The following MLPH variants were observed in gnomAD, a reference collection of about 807,000 sequenced individuals.
MLPH encodes exophilin-3.
In MLPH, 51 loss-of-function variants were observed where a neutral mutation model predicts 72.1. That is an observed-to-expected ratio of 0.71 (90% CI 0.56 to 0.89). MLPH has a LOEUF of 0.89. MLPH is among the 40% of genes least tolerant of loss of function. MLPH has a pLI of 0.00. For synonymous variants in MLPH, 301 were observed against 310.1 expected (o/e 0.97, Z 0.31); for missense variants, 743 against 759.9 (o/e 0.98, Z 0.26).
intron 2 of MLPH, among the ~76,000 whole-genome samples, chr2:237,500,719 G>T (rs2079627814): frequency 6.6e-6 from 1 of 151,950 alleles, no homozygotes; most frequent in Non-Finnish European, 1.5e-5. Flanking sequence ...TTGGATGCAG[G>T]CTGTTGCCAA....
rs550157394 is a variant in MLPH at position 237,508,194 on chromosome 2, C to A, written c.111-2380C>A. Among the ~76,000 whole-genome samples, 5 of 152,310 alleles carry A rather than the reference C, an allele frequency of 3.3e-5. 1 individual carries two copies. Among genetic ancestry groups the A allele is most frequent in the Admixed American group, 2.0e-4 (3 of 15,296 alleles). On this transcript the variant is annotated intron_variant, in intron 2 of 15. Transcript: ENST00000264605. ...TGACACAATCTCGGCTCACTGCAAC[C>A]TCTGCTTCCCTGGTTCAAGCGACTC...
chr2:237,525,963 C>T (rs957125121), intron 7 of MLPH, among the ~76,000 whole-genome samples, 158 bp downstream of exon 7: 26 of 152,250 alleles, frequency 1.7e-4, no homozygotes, highest in Non-Finnish European at 3.1e-4. Flanking sequence ...CCAGCAAACA[C>T]CGTGGACACC....
At chr2:237,496,668 A>G (rs2079542019) in intron 2 of MLPH, among the ~76,000 whole-genome samples, 1 of 152,206 alleles carries the variant, frequency 6.6e-6, no homozygotes, top group East Asian at 1.9e-4. Flanking sequence ...TTTGCTCAGA[A>G]TGAGCCAGTG....
At position 237,492,355 on chromosome 2, in the gene MLPH, C is replaced by G. The variant is rs541007051; in HGVS notation, c.-24-1048C>G. Among the ~76,000 whole-genome samples the G allele has an allele frequency of 3.9e-5, 6 of 151,922 alleles. No homozygotes were observed. In the East Asian group the frequency reaches 9.7e-4, roughly 25 times the overall value. ...TGCTCTGCTGAGCAGCTGAGTCACA[C>G]CAGATTCTCAGACAGGCACCATGGC... On this transcript the variant is annotated intron_variant, in intron 1 of 15. Transcript: ENST00000264605.
Position 237,553,572 on chromosome 2 carries a change from G to A in MLPH, c.1783G>A (p.Val595Met). 1 of 1,614,182 alleles carries A rather than the reference G, an allele frequency of 6.2e-7. No homozygotes were observed. The highest frequency in any genetic ancestry group is 1.1e-5 in the South Asian group (1 of 91,082). Residue 595 changes from valine to methionine, a missense_variant, in exon 16 of 16, where the codon GTG becomes ATG. Coordinates refer to ENST00000264605, the MANE Select transcript of MLPH (RefSeq NM_024101.7). ...GTGTGTTTGTACTTTACAGAAACCT[G>A]TGGTGGCCCACCAGTCCTAACGGGA... ...GMASHTFAKP[V>M]VAHQS
chr2:237,538,978 A>C (rs2080602479), intron 9 of MLPH, among the ~76,000 whole-genome samples: 1 of 152,222 alleles, frequency 6.6e-6, no homozygotes. Context: ...CAAGTGTTGC[A>C]GCCCCTCCTA....
chr2:237,549,247 A>G lies in MLPH; in HGVS notation c.1644A>G (p.Arg548=). The G allele has an allele frequency of 6.2e-7, 1 of 1,614,188 alleles. No individual in the cohort carries two copies. Among genetic ancestry groups the G allele is most frequent in the Non-Finnish European group, 8.5e-7 (1 of 1,180,010 alleles). ...AKAMAVPYLL[R]RKFSNSLKSQ... ...CAATGGCTGTGCCCTATCTTCTGAGAAGAAAGTTCAGTAATTCCCTGAAAA... is the reference window on the plus strand; with the variant it reads ...CAATGGCTGTGCCCTATCTTCTGAGGAGAAAGTTCAGTAATTCCCTGAAAA... Residue 548 remains arginine (R), a synonymous_variant, in exon 14 of 16, where the codon AGA becomes AGG. Coordinates refer to ENST00000264605, the MANE Select transcript of MLPH (RefSeq NM_024101.7).
chr2:237,531,957 C>G (rs1310712790), intron 8 of MLPH, among the ~76,000 whole-genome samples: 3 of 152,188 alleles, frequency 2.0e-5, no homozygotes, highest in African/African-American at 7.2e-5. Flanking sequence ...TCTCAAGACT[C>G]AGAATTTAAA....
At chr2:237,553,536 T>C (rs1454849731) in intron 15 of MLPH, 30 bp from the exon 16 acceptor site, 1 of 1,610,862 alleles carries the variant, frequency 6.2e-7, no homozygotes, top group Non-Finnish European at 8.5e-7. Flanking sequence ...TGTGTGTGCT[T>C]ATATGTGCAT....
chr2:237,503,701 G>A (rs533410507), intron 2 of MLPH, among the ~76,000 whole-genome samples: 10 of 152,236 alleles, frequency 6.6e-5, no homozygotes, highest in Admixed American at 3.3e-4. Context: ...TGTTTTCTCA[G>A]GCATGGCATG....
rs2081096941 is a variant in MLPH at position 237,554,716 on chromosome 2, G to C, written c.*1124G>C. 1 of 152,172 alleles carries C rather than the reference G, an allele frequency of 6.6e-6. No homozygotes were observed. Among genetic ancestry groups the C allele is most frequent in the African/African-American group, 2.4e-5 (1 of 41,432 alleles). The allele number at this position is 152,172 out of a possible 1,614,324, so 9.4% of individuals were successfully genotyped here. On this transcript the variant is annotated 3_prime_UTR_variant, in exon 16 of 16. Coordinates refer to ENST00000264605, the MANE Select transcript of MLPH (RefSeq NM_024101.7). ...ATCAAACAGTAGAGACAAGAGTCAA[G>C]CCTTGTGTCTTCAAGCATTGACCAA... is the stretch of plus-strand genomic sequence containing the variant.
In MLPH at chr2:237,534,752, G is replaced by T; in HGVS notation, c.1104+105G>T. On this transcript the variant is annotated intron_variant, in intron 9 of 15. Transcript: ENST00000264605. ...TGGGAGAAGAGTTTCTTGAGATTTT[G>T]CTGTTTGTAAGGTTAAGTTCTGTGT... The T allele has an allele frequency of 1.3e-5, 13 of 1,007,270 alleles. 1 individual carries two copies. In the South Asian group the frequency reaches 1.7e-4, roughly 13 times the overall value. 62.4% of individuals were successfully genotyped at this position (1,007,270 alleles called of 1,614,324 possible).
At chr2:237,489,943 C>T (rs1475952381) in intron 1 of MLPH, among the ~76,000 whole-genome samples, 2 of 152,194 alleles carry the variant, frequency 1.3e-5, no homozygotes, top group Non-Finnish European at 2.9e-5. Flanking sequence ...CCTATTAATC[C>T]CTGTGTCCCG....
Position 237,542,558 on chromosome 2 carries a change from C to G in MLPH, c.1447-9C>G. 6.3e-7 allele frequency: 1 copy of G among 1,590,306 alleles called. No homozygotes were observed. The highest frequency in any genetic ancestry group is 1.1e-5 in the South Asian group (1 of 87,610). ...TCTGACGGGCCTTCTGTCTGCTGTC[C>G]TCTCGCAGGTTTCAGACATTGAATC... On this transcript the variant is annotated splice_polypyrimidine_tract_variant and intron_variant, in intron 11 of 15. Transcript: ENST00000264605.
At chr2:237,548,489 G>GTTAGCCAC (rs1308986029) in intron 13 of MLPH, among the ~76,000 whole-genome samples, 1 of 152,240 alleles carries the variant, frequency 6.6e-6, no homozygotes, top group African/African-American at 2.4e-5. Flanking sequence ...CAGGAATCGT[G>GTTAGCCAC]TTAGCCACAA....
chr2:237,493,379 A>G (rs1358403240), intron 1 of MLPH, 24 bp from the exon 2 acceptor site: 7 of 1,475,090 alleles, frequency 4.7e-6, no homozygotes, highest in Non-Finnish European at 6.6e-6. Flanking sequence ...GGGACTGATG[A>G]CTTGTGATCC....
intron 8 of MLPH, among the ~76,000 whole-genome samples, chr2:237,529,200 G>A (rs1357029014): frequency 2.6e-5 from 4 of 151,922 alleles, no homozygotes; most frequent in Admixed American, 6.6e-5. Context: ...CCACCACCAC[G>A]CCCGGCTAAT....
intron 2 of MLPH, among the ~76,000 whole-genome samples, chr2:237,504,893 T>TA (rs2079731922): frequency 6.6e-6 from 1 of 152,110 alleles, no homozygotes. Context: ...GCAAAGGAAA[T>TA]ACAGGTCTTT....
Position 237,495,942 on chromosome 2 carries a change from T to G in MLPH, c.110+2406T>G, listed in dbSNP as rs145165377. 6.4e-3 allele frequency among the ~76,000 whole-genome samples: 981 copies of G among 152,226 alleles called. 13 individuals carry two copies. The highest frequency in any genetic ancestry group is 0.022 in the African/African-American group (914 of 41,536). Reference sequence around the variant, plus strand: ...CCGTCCTCACCCCTCCACTCTTGAGTCTCAGATCCCCCATTTCCACATTCT... The same window carrying G: ...CCGTCCTCACCCCTCCACTCTTGAGGCTCAGATCCCCCATTTCCACATTCT... On this transcript the variant is annotated intron_variant, in intron 2 of 15. Transcript: ENST00000264605.
Sources: gnomAD v4.1 joint callset for allele counts (sites outside exome capture counted in the v4.1 genomes callset) on GRCh38, gnomAD v4.1.1 for gene constraint, MANE v1.5 for transcripts, NCBI Gene and HGNC (gene_info 2026-07-23, HGNC 2026-07-21) for gene names.